Variants in CLEC19A observed in about 807,000 individuals in gnomAD.
The protein encoded by CLEC19A is C-type lectin domain containing 19A.
A neutral mutation model predicts 26.1 loss-of-function variants in CLEC19A; 21 were observed. The observed-to-expected ratio is 0.80, with a 90% CI of 0.57 to 1.16. CLEC19A has a LOEUF of 1.16. Ranked by LOEUF, CLEC19A falls within the 50% of genes most tolerant of loss-of-function variation. The probability of loss-of-function intolerance (pLI) is 0.00; values close to 1 mark genes in which losing one functional copy is unlikely to be tolerated. For missense variants in CLEC19A, 224 were observed against 227.6 expected (o/e 0.98, Z 0.10); for synonymous variants, 89 against 88.6 (o/e 1.00, Z -0.03).
intron 2 of CLEC19A, among the ~76,000 whole-genome samples, chr16:19,302,879 A>G (rs555192145): frequency 1.3e-5 from 2 of 152,338 alleles, no homozygotes; most frequent in South Asian, 4.1e-4. Context: ...GGGCAGTGCT[A>G]GAAACTTGGG....
chr16:19,305,782 A>G (rs1358555633), intron 3 of CLEC19A, among the ~76,000 whole-genome samples: 1 of 152,174 alleles, frequency 6.6e-6, no homozygotes, highest in Non-Finnish European at 1.5e-5. Flanking sequence ...TATTGCTCTT[A>G]AAGTAGCAGA....
rs1328147715 is a variant in CLEC19A at position 19,309,268 on chromosome 16, CA to C, written c.*188del. The C allele has an allele frequency of 8.0e-6, 4 of 496,908 alleles. No individual in the cohort carries two copies. In the African/African-American group the frequency reaches 8.1e-5, roughly 10 times the overall value. 30.8% of individuals were successfully genotyped at this position (496,908 alleles called of 1,614,324 possible). A position where few individuals can be genotyped will look rare whatever the true frequency, so the allele number is the denominator to read the frequency against. ...TGGCCAAGTGTCAGGAAAGCCAGCT[CA>C]AATTGGCTTAATTTTTTAAAGTGTT... On this transcript the variant is annotated 3_prime_UTR_variant, in exon 5 of 5. Transcript: ENST00000636231.
chr16:19,293,743 G>A (rs550606316), intron 1 of CLEC19A, among the ~76,000 whole-genome samples: 4 of 140,318 alleles, frequency 2.9e-5, no homozygotes, highest in African/African-American at 5.2e-5. Flanking sequence ...GGTGTGAGCC[G>A]CTGCGACCAG....
intron 2 of CLEC19A, among the ~76,000 whole-genome samples, chr16:19,299,394 T>C (rs1210279780): frequency 1.3e-5 from 2 of 152,186 alleles, no homozygotes; most frequent in African/African-American, 2.4e-5. Context: ...TCTGAAAAGG[T>C]AAGTAACTTG....
In CLEC19A at chr16:19,285,976, G is replaced by A. The variant is rs1470781552; in HGVS notation, c.88+37G>A. 4.6e-6 allele frequency: 7 copies of A among 1,535,156 alleles called. No individual in the cohort carries two copies. In the African/African-American group the frequency reaches 8.2e-5, roughly 18 times the overall value. On this transcript the variant is annotated intron_variant, in intron 1 of 4. Transcript: ENST00000636231. ...GACCAGGGCTGGGAGCAGGTGGAGA[G>A]GAGTACACTCTCAGGAACTTATTCT...
At chr16:19,304,701 G>GAA (rs200392261) in intron 3 of CLEC19A, among the ~76,000 whole-genome samples, 10 of 147,200 alleles carry the variant, frequency 6.8e-5, no homozygotes, top group South Asian at 4.4e-4. Flanking sequence ...ACTCCAACTT[G>GAA]AAAAAAAAAA....
At chr16:19,303,871 G>A in intron 2 of CLEC19A, 191 bp from the exon 3 acceptor site, 1 of 549,380 alleles carries the variant, frequency 1.8e-6, no homozygotes, top group Non-Finnish European at 3.3e-6. Flanking sequence ...AACTGGCATA[G>A]GTCAAATCCA....
intron 1 of CLEC19A, among the ~76,000 whole-genome samples, chr16:19,295,664 C>T (rs892975718): frequency 2.6e-5 from 4 of 152,174 alleles, no homozygotes; most frequent in Non-Finnish European, 5.9e-5. Context: ...TCATCCCAGT[C>T]ACTCCTGGAC....
intron 2 of CLEC19A, among the ~76,000 whole-genome samples, chr16:19,300,265 G>C (rs142590122): frequency 1.3e-5 from 2 of 151,698 alleles, no homozygotes; most frequent in African/African-American, 4.8e-5. Context: ...AAAAAAGAAA[G>C]GGGTCGGGTG....
rs756246546 is a variant in CLEC19A at position 19,310,092 on chromosome 16, A to G, written c.*1009A>G. ...CTGTGGAAAAGTTTGGCAGTTCCTC[A>G]AAAAGTTAAACATAGAATTACATCT... On this transcript the variant is annotated 3_prime_UTR_variant, in exon 5 of 5. Transcript: ENST00000636231. 1 of 152,230 alleles carries G rather than the reference A, an allele frequency of 6.6e-6. No individual in the cohort carries two copies. The highest frequency in any genetic ancestry group is 2.4e-5 in the African/African-American group (1 of 41,450). 9.4% of individuals were successfully genotyped at this position (152,230 alleles called of 1,614,324 possible).
chr16:19,299,542 C>A (rs1897774534), intron 2 of CLEC19A, among the ~76,000 whole-genome samples: 3 of 152,200 alleles, frequency 2.0e-5, no homozygotes, highest in Non-Finnish European at 4.4e-5. Flanking sequence ...TCAGAGTTCT[C>A]CAATTTGGTC....
At chr16:19,301,745 T>TTG (rs1897833066) in intron 2 of CLEC19A, among the ~76,000 whole-genome samples, 1 of 118,766 alleles carries the variant, frequency 8.4e-6, no homozygotes, top group Admixed American at 8.3e-5. Context: ...GGTTTTTTTT[T>TTG]TTTTTTTTTT....
chr16:19,307,782 A>T, intron 4 of CLEC19A, 105 bp downstream of exon 4: 1 of 1,444,620 alleles, frequency 6.9e-7, no homozygotes, highest in Non-Finnish European at 9.3e-7. Flanking sequence ...TGATGGCCTG[A>T]GACTGGCAAA....
chr16:19,306,343 C>T (rs1897954128), intron 3 of CLEC19A, among the ~76,000 whole-genome samples: 2 of 151,780 alleles, frequency 1.3e-5, no homozygotes, highest in South Asian at 4.2e-4. Flanking sequence ...GACAGGGTCC[C>T]ACTATGTTGC....
intron 1 of CLEC19A, among the ~76,000 whole-genome samples, chr16:19,293,862 G>A (rs895516499): frequency 6.6e-6 from 1 of 152,070 alleles, no homozygotes; most frequent in Admixed American, 6.6e-5. Context: ...GGTAAATGAG[G>A]TGTCCATCAC....
chr16:19,304,428 T>C (rs919673893), intron 3 of CLEC19A: 2 of 288,986 alleles, frequency 6.9e-6, no homozygotes, highest in Non-Finnish European at 1.3e-5. Context: ...CTAGGCCGGG[T>C]GTGGAGGCTC....
chr16:19,306,879 A>G (rs179226), intron 3 of CLEC19A, among the ~76,000 whole-genome samples: 146,972 of 152,246 alleles, frequency 0.97, 70,973 homozygotes, highest in East Asian at 1. Flanking sequence ...TACATGACGT[A>G]GGCTCCATAA....
rs1469636908 is a variant in CLEC19A, at chr16:19,304,625, C to T, written c.348+470C>T. On this transcript the variant is annotated intron_variant, in intron 3 of 4. Coordinates refer to ENST00000636231, the MANE Select transcript of CLEC19A (RefSeq NM_001256720.2). ...CTGAGGCAGGAGAATTGCTTGAACC[C>T]GGGAGGCAGAGGTTGCAGTGAGTGG... Among the ~76,000 whole-genome samples the T allele has an allele frequency of 4.0e-5, 6 of 151,758 alleles. No homozygotes were observed. The East Asian group carries it at 5.8e-4, about 15-fold the overall frequency.
At position 19,309,012 on chromosome 16, in the gene CLEC19A, T is replaced by C; in HGVS notation, c.490T>C (p.Ser164Pro). The C allele has an allele frequency of 6.5e-7, 1 of 1,548,318 alleles. No individual in the cohort carries two copies. Among genetic ancestry groups the C allele is most frequent in the East Asian group, 2.4e-5 (1 of 40,928 alleles). ...GCTTCTTTCCATCACAGCTCTGAGG[T>C]CATGGAATGATAACACCTGCAGCCG... ...IWYRPTSALR[S>P]WNDNTCSRKF... The change falls in exon 5 of 5, where the codon TCA becomes CCA. Residue 164 changes from serine (S) to proline (P), a missense_variant. Coordinates refer to ENST00000636231, the MANE Select transcript of CLEC19A (RefSeq NM_001256720.2).
Sources: gnomAD v4.1 joint callset for allele counts (sites outside exome capture counted in the v4.1 genomes callset) on GRCh38, gnomAD v4.1.1 for gene constraint, MANE v1.5 for transcripts, NCBI Gene and HGNC (gene_info 2026-07-23, HGNC 2026-07-21) for gene names.